PPP1R12A: variants seen among roughly 807,000 people sequenced by gnomAD.
PPP1R12A encodes the protein myosin binding subunit.
Under a neutral mutation model 139.6 loss-of-function variants are expected in PPP1R12A, and 19 were observed. The ratio of observed to expected loss-of-function variants is 0.14; its 90% CI spans 0.09 to 0.20. The LOEUF (loss-of-function observed/expected upper bound fraction) is 0.20. Among genes scored for constraint, PPP1R12A ranks in the 10% least tolerant of loss-of-function variants. The probability of loss-of-function intolerance (pLI) is 1.00; values close to 1 mark genes in which losing one functional copy is unlikely to be tolerated. For synonymous variants in PPP1R12A, 427 were observed against 420.6 expected, an observed-to-expected ratio of 1.02 and a Z score of -0.19; for missense variants, 925 against 1,211.5, an observed-to-expected ratio of 0.76 and a Z score of 3.51.
chr12:79,859,479 A>G (rs1269146092), intron 2 of PPP1R12A, among the ~76,000 whole-genome samples: 1 of 152,232 alleles, frequency 6.6e-6, no homozygotes, highest in Non-Finnish European at 1.5e-5. Flanking sequence ...GGATGTTTAT[A>G]AAATAAAGGC....
At chr12:79,821,266 AAAT>A in intron 6 of PPP1R12A, 100 bp from the exon 7 acceptor site, 1 of 758,118 alleles carries the variant, frequency 1.3e-6, no homozygotes, top group South Asian at 1.9e-5. Context: ...TTCAGACATT[AAAT>A]AAGACAAAAC....
intron 1 of PPP1R12A, among the ~76,000 whole-genome samples, chr12:79,922,063 C>T (rs776381823): frequency 5.3e-5 from 8 of 152,118 alleles, no homozygotes; most frequent in Admixed American, 3.9e-4. Flanking sequence ...CCAGCCTGGG[C>T]AACACAGCAA....
rs1441180268 is a variant in PPP1R12A, at chr12:79,820,323, A to C, written c.1114+451T>G. ...TTTATTATACTTTTCTGTATCTTTA[A>C]AATTTCTCAAAACAAAGCAAATTCC... On this transcript the variant is annotated intron_variant, in intron 8 of 24. Transcript: ENST00000450142. Among the ~76,000 whole-genome samples, 4 of 152,296 alleles carry C rather than the reference A, an allele frequency of 2.6e-5. No homozygotes were observed. In the East Asian group the frequency reaches 5.8e-4, roughly 22 times the overall value.
chr12:79,839,627 A>C (rs796318646), intron 3 of PPP1R12A, among the ~76,000 whole-genome samples: 7 of 152,202 alleles, frequency 4.6e-5, no homozygotes, highest in African/African-American at 1.7e-4. Flanking sequence ...AGTTCCCACG[A>C]GATCTGACGG....
At chr12:79,782,419 G>A in intron 22 of PPP1R12A, 1 of 275,726 alleles carries the variant, frequency 3.6e-6, no homozygotes, top group South Asian at 3.5e-5. Context: ...TCACTTATAA[G>A]AAATTCTAGC....
chr12:79,926,473 G>C (rs991714141), intron 1 of PPP1R12A, among the ~76,000 whole-genome samples: 2 of 152,212 alleles, frequency 1.3e-5, no homozygotes, highest in Non-Finnish European at 2.9e-5. Context: ...CTACAGGCGT[G>C]AGCCACCATA....
chr12:79,931,940 T>C (rs1888285650), intron 1 of PPP1R12A, among the ~76,000 whole-genome samples: 2 of 152,202 alleles, frequency 1.3e-5, no homozygotes, highest in South Asian at 4.1e-4. Context: ...TCTAATGAGG[T>C]AGCACATTCA....
At chr12:79,821,969 T>G (rs1482770038) in intron 6 of PPP1R12A, 147 bp downstream of exon 6, 2 of 550,488 alleles carry the variant, frequency 3.6e-6, no homozygotes, top group Admixed American at 6.2e-5. Flanking sequence ...ATCACCATCC[T>G]TTATTCTCTT....
At chr12:79,847,489 C>T (rs554468664) in intron 2 of PPP1R12A, among the ~76,000 whole-genome samples, 25 of 152,194 alleles carry the variant, frequency 1.6e-4, no homozygotes, top group Admixed American at 1.4e-3. Context: ...ATTTGTATTT[C>T]TCCTTTTATG....
At chr12:79,829,056 T>C (rs1464583621) in intron 4 of PPP1R12A, among the ~76,000 whole-genome samples, 3 of 152,010 alleles carry the variant, frequency 2.0e-5, no homozygotes, top group African/African-American at 7.3e-5. Context: ...TTCTGAGCAG[T>C]AGAAAGCAGA....
At chr12:79,930,164 G>C (rs1042845265) in intron 1 of PPP1R12A, among the ~76,000 whole-genome samples, 1 of 152,112 alleles carries the variant, frequency 6.6e-6, no homozygotes, top group East Asian at 1.9e-4. Flanking sequence ...TGTGAATCTT[G>C]AACAATGACT....
In PPP1R12A at chr12:79,917,257, C is replaced by T. The variant is rs561979317; in HGVS notation, c.237+17438G>A. Among the ~76,000 whole-genome samples the T allele has an allele frequency of 7.9e-5, 12 of 152,062 alleles. No homozygotes were observed. The South Asian group carries it at 2.3e-3, about 29-fold the overall frequency. ...ATCCCAGCACTTTGGGAGGCCGAGG[C>T]GGGTGGATCACGAGGTCACGAGATC... On this transcript the variant is annotated intron_variant, in intron 1 of 24. Transcript: ENST00000450142.
chr12:79,805,160 A>T (rs985845871), intron 14 of PPP1R12A, among the ~76,000 whole-genome samples: 1 of 152,218 alleles, frequency 6.6e-6, no homozygotes, highest in Non-Finnish European at 1.5e-5. Flanking sequence ...AAATTCTCCA[A>T]ATCAACAGGA....
At chr12:79,894,866 A>G (rs111349003) in intron 1 of PPP1R12A, among the ~76,000 whole-genome samples, 3 of 152,318 alleles carry the variant, frequency 2.0e-5, no homozygotes, top group African/African-American at 7.2e-5. Flanking sequence ...TGCTTTTAGC[A>G]GGTTGTCCGC....
intron 1 of PPP1R12A, among the ~76,000 whole-genome samples, chr12:79,884,956 C>T (rs1400640420): frequency 2.0e-5 from 3 of 151,990 alleles, no homozygotes; most frequent in African/African-American, 7.2e-5. Flanking sequence ...AGACAGAGTC[C>T]ATGACTTAAA....
chr12:79,809,732 T>G, intron 10 of PPP1R12A, 63 bp downstream of exon 10: 4 of 1,320,360 alleles, frequency 3.0e-6, no homozygotes, highest in Non-Finnish European at 4.2e-6. Flanking sequence ...TCTACCAGAT[T>G]TGATGTTCCT....
chr12:79,782,526 A>T (rs1490133839), intron 22 of PPP1R12A: 1 of 452,482 alleles, frequency 2.2e-6, no homozygotes, highest in Non-Finnish European at 4.4e-6. Flanking sequence ...CTGATATATA[A>T]GCTTGGCTTT....
intron 3 of PPP1R12A, among the ~76,000 whole-genome samples, chr12:79,837,323 AAC>A (rs1370394450): frequency 6.6e-6 from 1 of 152,198 alleles, no homozygotes; most frequent in Admixed American, 6.5e-5. Context: ...TTTAGTCAGC[AAC>A]AGATTCAAAA....
At chr12:79,864,780 T>C (rs1881775740) in intron 2 of PPP1R12A, among the ~76,000 whole-genome samples, 1 of 152,176 alleles carries the variant, frequency 6.6e-6, no homozygotes, top group African/African-American at 2.4e-5. Context: ...AGGAAGAAGT[T>C]AAATCTCTGA....
Sources: allele counts gnomAD v4.1 joint callset (sites outside exome capture counted in the v4.1 genomes callset), GRCh38; gene constraint gnomAD v4.1.1; transcripts MANE v1.5; gene names NCBI Gene and HGNC (gene_info 2026-07-23, HGNC 2026-07-21).